The following ADGRL3 variants were observed in gnomAD, a reference collection of about 807,000 sequenced individuals.
ADGRL3 encodes adhesion G protein-coupled receptor L3, also known as calcium-independent alpha-latrotoxin receptor 3.
In ADGRL3, 62 loss-of-function variants were observed where a neutral mutation model predicts 153.5. The ratio of observed to expected loss-of-function variants is 0.40; its 90% CI spans 0.33 to 0.50. The LOEUF (loss-of-function observed/expected upper bound fraction) is 0.50, where lower values mean the gene tolerates loss of function less well. ADGRL3 is among the 20% of genes least tolerant of loss of function. The pLI is 0.47. For missense variants in ADGRL3, 1,641 were observed against 1,859.4 expected, an observed-to-expected ratio of 0.88 and a Z score of 2.16; for synonymous variants, 710 against 672.5, an observed-to-expected ratio of 1.06 and a Z score of -0.86.
chr4:61,302,625 TAACA>T (rs1451061102), intron 1 of ADGRL3, among the ~76,000 whole-genome samples: 4 of 152,182 alleles, frequency 2.6e-5, no homozygotes, highest in Non-Finnish European at 5.9e-5. Context: ...TCAAAATTGC[TAACA>T]TTTTTCATTA....
chr4:61,678,645 TAG>T (rs1259717352), intron 6 of ADGRL3, among the ~76,000 whole-genome samples: 5 of 151,992 alleles, frequency 3.3e-5, no homozygotes, highest in Admixed American at 2.0e-4. Flanking sequence ...GTCCTACATT[TAG>T]AGAGTTCTGA....
intron 8 of ADGRL3, among the ~76,000 whole-genome samples, chr4:61,766,171 G>T (rs1487022781): frequency 6.6e-6 from 1 of 152,014 alleles, no homozygotes. Flanking sequence ...TAATGTGGGA[G>T]GTAGGATTGA....
intron 21 of ADGRL3, among the ~76,000 whole-genome samples, chr4:62,000,832 A>G (rs2099137891): frequency 1.3e-5 from 2 of 151,982 alleles, no homozygotes; most frequent in Admixed American, 6.6e-5. Flanking sequence ...CCCAGTTTGA[A>G]GTGCAGTAGT....
intron 17 of ADGRL3, among the ~76,000 whole-genome samples, chr4:61,976,821 C>A (rs979514629): frequency 6.6e-6 from 1 of 152,138 alleles, no homozygotes; most frequent in Non-Finnish European, 1.5e-5. Context: ...TTATAAATTA[C>A]CCAGTCTTGG....
At chr4:62,012,452 A>T (rs2099191107) in intron 21 of ADGRL3, among the ~76,000 whole-genome samples, 1 of 152,200 alleles carries the variant, frequency 6.6e-6, no homozygotes. Context: ...AATCTTTGCA[A>T]TAATCCTTTG....
intron 2 of ADGRL3, among the ~76,000 whole-genome samples, chr4:61,455,889 C>G (rs559145452): frequency 6.6e-6 from 1 of 151,930 alleles, no homozygotes; most frequent in African/African-American, 2.4e-5. Flanking sequence ...GATCTCGGCT[C>G]GCTACAGCCT....
At chr4:61,995,749 A>G in intron 19 of ADGRL3, among the ~76,000 whole-genome samples, 1 of 152,172 alleles carries the variant, frequency 6.6e-6, no homozygotes, top group Non-Finnish European at 1.5e-5. Context: ...TTGCAACCCC[A>G]GAAGTATGAG....
chr4:61,341,356 A>G (rs2095804366), intron 1 of ADGRL3, among the ~76,000 whole-genome samples: 1 of 151,868 alleles, frequency 6.6e-6, no homozygotes, highest in Admixed American at 6.6e-5. Flanking sequence ...TAATTCATGA[A>G]TTTTTATAAA....
chr4:61,769,993 A>G (rs13122879), intron 8 of ADGRL3, among the ~76,000 whole-genome samples: 82,823 of 152,044 alleles, frequency 0.54, 23,483 homozygotes, highest in African/African-American at 0.68. Flanking sequence ...CACAGGGGAT[A>G]CGATGGCTTG....
At chr4:61,816,461 C>G (rs1216146367) in intron 9 of ADGRL3, among the ~76,000 whole-genome samples, 1 of 152,016 alleles carries the variant, frequency 6.6e-6, no homozygotes, top group African/African-American at 2.4e-5. Flanking sequence ...TTAGCCAAAG[C>G]AAGTCACAGA....
intron 5 of ADGRL3, among the ~76,000 whole-genome samples, chr4:61,640,153 G>A (rs2093600336): frequency 6.6e-6 from 1 of 152,016 alleles, no homozygotes; most frequent in Non-Finnish European, 1.5e-5. Flanking sequence ...ATCAGATCAT[G>A]CTGCTGCCAC....
At chr4:61,345,220 T>C (rs2095877252) in intron 1 of ADGRL3, among the ~76,000 whole-genome samples, 1 of 152,136 alleles carries the variant, frequency 6.6e-6, no homozygotes, top group Non-Finnish European at 1.5e-5. Context: ...TTGGTTTTAT[T>C]ATAAATATGG....
intron 8 of ADGRL3, among the ~76,000 whole-genome samples, chr4:61,744,206 A>C (rs2096622330): frequency 6.6e-6 from 1 of 152,196 alleles, no homozygotes; most frequent in African/African-American, 2.4e-5. Context: ...ACAAAGCAGC[A>C]GGGAAACTCG....
intron 2 of ADGRL3, among the ~76,000 whole-genome samples, chr4:61,389,229 T>C (rs1301079096): frequency 1.3e-5 from 2 of 152,108 alleles, no homozygotes; most frequent in Admixed American, 6.6e-5. Flanking sequence ...ACAATGGGGA[T>C]TGAGTGGGAG....
intron 21 of ADGRL3, among the ~76,000 whole-genome samples, chr4:62,028,052 A>G (rs1041882132): frequency 6.6e-6 from 1 of 151,810 alleles, no homozygotes; most frequent in Non-Finnish European, 1.5e-5. Flanking sequence ...TGTATGCATA[A>G]TATAGGAAAC....
At chr4:62,060,922 A>T (rs991471908) in intron 25 of ADGRL3, among the ~76,000 whole-genome samples, 1 of 151,958 alleles carries the variant, frequency 6.6e-6, no homozygotes, top group Admixed American at 6.6e-5. Context: ...TTAGAAAGTG[A>T]AAAATTCTGT....
intron 8 of ADGRL3, among the ~76,000 whole-genome samples, chr4:61,757,716 G>C (rs1222149585): frequency 6.6e-6 from 1 of 152,074 alleles, no homozygotes; most frequent in Non-Finnish European, 1.5e-5. Context: ...TGATGTTAGG[G>C]TGTAAATTTT....
chr4:61,210,912 G>A (rs558222901), intron 1 of ADGRL3, among the ~76,000 whole-genome samples: 1 of 152,224 alleles, frequency 6.6e-6, no homozygotes, highest in East Asian at 1.9e-4. Flanking sequence ...ATTATTAACT[G>A]TAGTTGACTT....
At chr4:61,584,830 T>C (rs1579681161) in intron 4 of ADGRL3, among the ~76,000 whole-genome samples, 2 of 152,108 alleles carry the variant, frequency 1.3e-5, no homozygotes. Context: ...TTTTTTTAAT[T>C]CAATGATTCT....
Sources: allele counts gnomAD v4.1 joint callset (sites outside exome capture counted in the v4.1 genomes callset), GRCh38; gene constraint gnomAD v4.1.1; transcripts MANE v1.5; gene names NCBI Gene and HGNC (gene_info 2026-07-23, HGNC 2026-07-21).